Variants in PLEKHH2 observed in about 807,000 individuals in gnomAD.
The protein encoded by PLEKHH2 is pleckstrin homology, MyTH4 and FERM domain containing H2, also known as pleckstrin homology domain-containing family H member 2.
In PLEKHH2, 129 loss-of-function variants were observed where a neutral mutation model predicts 187.9. That is an observed-to-expected ratio of 0.69 (90% CI 0.59 to 0.79). PLEKHH2 has a LOEUF of 0.79. PLEKHH2 is among the 30% of genes least tolerant of loss of function. The pLI, the probability that PLEKHH2 is intolerant of heterozygous loss-of-function variation, is 0.00. For missense variants in PLEKHH2, 2,076 were observed against 1,751.2 expected (o/e 1.19, Z -3.31); for synonymous variants, 686 against 605.6 (o/e 1.13, Z -1.95).
chr2:43,733,651 A>G (rs1367071080), intron 19 of PLEKHH2, among the ~76,000 whole-genome samples: 3 of 152,170 alleles, frequency 2.0e-5, no homozygotes, highest in Admixed American at 6.5e-5. Flanking sequence ...TCAACTGGAG[A>G]TCCAGCCTGA....
At chr2:43,696,416 A>G (rs1395662730) in intron 6 of PLEKHH2, among the ~76,000 whole-genome samples, 2 of 149,484 alleles carry the variant, frequency 1.3e-5, no homozygotes, top group Admixed American at 1.3e-4. Flanking sequence ...TGAGCCCGGG[A>G]GTTTGGGGCT....
At chr2:43,678,000 G>C (rs1318164598) in intron 2 of PLEKHH2, among the ~76,000 whole-genome samples, 2 of 151,806 alleles carry the variant, frequency 1.3e-5, no homozygotes, top group African/African-American at 4.8e-5. Flanking sequence ...AGACGGGGCG[G>C]TTGCCAGGCA....
chr2:43,685,318 C>A (rs1422339670), intron 3 of PLEKHH2, among the ~76,000 whole-genome samples: 1 of 152,236 alleles, frequency 6.6e-6, no homozygotes, highest in Non-Finnish European at 1.5e-5. Flanking sequence ...AATGGCATCA[C>A]TTCTGTAACA....
intron 2 of PLEKHH2, among the ~76,000 whole-genome samples, chr2:43,676,798 AATCTCTTC>A (rs1225146295): frequency 6.6e-6 from 1 of 152,032 alleles, no homozygotes; most frequent in Non-Finnish European, 1.5e-5. Context: ...TTAATCAAAG[AATCTCTTC>A]TATACTCTCT....
intron 15 of PLEKHH2, among the ~76,000 whole-genome samples, chr2:43,714,969 A>G (rs1255180379): frequency 6.6e-6 from 1 of 152,166 alleles, no homozygotes; most frequent in Non-Finnish European, 1.5e-5. Context: ...ACTCTAGGCT[A>G]GGAGACAGCG....
At chr2:43,722,964 T>A (rs1300344434) in intron 16 of PLEKHH2, among the ~76,000 whole-genome samples, 2 of 152,202 alleles carry the variant, frequency 1.3e-5, no homozygotes, top group African/African-American at 4.8e-5. Flanking sequence ...TCCAAAAGAA[T>A]TTGCTTTTAA....
chr2:43,736,021 A>T (rs1221113599), intron 19 of PLEKHH2, among the ~76,000 whole-genome samples: 1 of 152,162 alleles, frequency 6.6e-6, no homozygotes, highest in Non-Finnish European at 1.5e-5. Context: ...ATTATTTTTT[A>T]AATTTTTCAA....
At chr2:43,700,634 A>G (rs1434314518) in intron 8 of PLEKHH2, 26 bp downstream of exon 8, 1 of 1,569,898 alleles carries the variant, frequency 6.4e-7, no homozygotes, top group African/African-American at 1.4e-5. Flanking sequence ...CATGTAACAC[A>G]TACGCAGTAG....
chr2:43,712,400 C>T lies in PLEKHH2; in HGVS notation c.2460+17C>T, dbSNP rs753328502. 1.2e-6 allele frequency: 2 copies of T among 1,611,066 alleles called. No homozygotes were observed. Among genetic ancestry groups the T allele is most frequent in the South Asian group, 1.1e-5 (1 of 90,506 alleles). On this transcript the variant is annotated intron_variant, in intron 15 of 29. Transcript: ENST00000282406. The stretch of plus-strand genomic sequence containing the variant: ...CTCACTAAGGTAGGAACCTCCTGTG[C>T]ATAGCAATGTCCCAGGCAGCTATGG...
At position 43,752,646 on chromosome 2, in the gene PLEKHH2, G is replaced by A. The variant is rs147250000; in HGVS notation, c.3654-973G>A. On this transcript the variant is annotated intron_variant, in intron 24 of 29. Transcript: ENST00000282406. ...TAAATCTCTCTTTTCCAGCCACTGT[G>A]TTGTCATGGCAGTATTCAGGTGTGT... Among the ~76,000 whole-genome samples the A allele has an allele frequency of 1.2e-3, 180 of 152,280 alleles. 2 individuals are homozygous for A. Among genetic ancestry groups the A allele is most frequent in the African/African-American group, 4.1e-3 (171 of 41,550 alleles).
chr2:43,647,942 C>T (rs1271446026), intron 2 of PLEKHH2, among the ~76,000 whole-genome samples: 1 of 152,186 alleles, frequency 6.6e-6, no homozygotes, highest in Non-Finnish European at 1.5e-5. Context: ...TAAGTCTTTA[C>T]TGCAACCATC....
At chr2:43,682,128 A>G (rs1668224792) in intron 3 of PLEKHH2, among the ~76,000 whole-genome samples, 1 of 152,126 alleles carries the variant, frequency 6.6e-6, no homozygotes, top group African/African-American at 2.4e-5. Flanking sequence ...ATTATTATAT[A>G]CTATACTAAT....
At chr2:43,705,750 T>G (rs1169167039) in intron 9 of PLEKHH2, among the ~76,000 whole-genome samples, 2 of 151,960 alleles carry the variant, frequency 1.3e-5, no homozygotes, top group African/African-American at 4.8e-5. Context: ...GCCTCCCAAG[T>G]AACTGAGATT....
chr2:43,702,691 G>T (rs944880398), intron 8 of PLEKHH2, among the ~76,000 whole-genome samples: 7 of 151,998 alleles, frequency 4.6e-5, no homozygotes, highest in Non-Finnish European at 8.8e-5. Context: ...AAGGAAAAGA[G>T]ATGTATTCTA....
intron 24 of PLEKHH2, among the ~76,000 whole-genome samples, chr2:43,747,236 C>A (rs778821308): frequency 6.6e-6 from 1 of 152,006 alleles, no homozygotes; most frequent in Non-Finnish European, 1.5e-5. Flanking sequence ...CTTTTGGAAT[C>A]TACGGGTTAG....
chr2:43,695,632 A>G (rs1233099789), intron 6 of PLEKHH2, among the ~76,000 whole-genome samples: 1 of 152,180 alleles, frequency 6.6e-6, no homozygotes, highest in Non-Finnish European at 1.5e-5. Context: ...CCAATCTCTA[A>G]TGGTAAGGAC....
chr2:43,684,342 C>T (rs889278385), intron 3 of PLEKHH2, among the ~76,000 whole-genome samples: 2 of 151,866 alleles, frequency 1.3e-5, no homozygotes, highest in African/African-American at 4.8e-5. Flanking sequence ...CTGTTCTTCC[C>T]TATCTTTCCC....
intron 15 of PLEKHH2, among the ~76,000 whole-genome samples, chr2:43,717,705 C>G (rs1670281199): frequency 6.6e-6 from 1 of 152,206 alleles, no homozygotes; most frequent in Non-Finnish European, 1.5e-5. Flanking sequence ...TGCCTGGGCA[C>G]AAGTCCTGGC....
In PLEKHH2 at chr2:43,726,614, G is replaced by A. The variant is rs13384733; in HGVS notation, c.2721+163G>A. Among the ~76,000 whole-genome samples the A allele has an allele frequency of 2.6e-5, 4 of 152,016 alleles. No homozygotes were observed. The East Asian group carries it at 5.8e-4, about 22-fold the overall frequency. ...CTTTACCTCCCTGGAAATGAGCCTCGTTCAAATATGTCATTTTCTAATCCT... is the reference window on the plus strand; with the variant it reads ...CTTTACCTCCCTGGAAATGAGCCTCATTCAAATATGTCATTTTCTAATCCT... On this transcript the variant is annotated intron_variant, in intron 17 of 29. Transcript: ENST00000282406.
Sources: allele counts gnomAD v4.1 joint callset (sites outside exome capture counted in the v4.1 genomes callset), GRCh38; gene constraint gnomAD v4.1.1; transcripts MANE v1.5; gene names NCBI Gene and HGNC (gene_info 2026-07-23, HGNC 2026-07-21).